The following PRKG2 variants were observed in gnomAD, a reference collection of about 807,000 sequenced individuals.
The protein encoded by PRKG2 is cGMP-dependent protein kinase 2.
Under a neutral mutation model 97.2 loss-of-function variants are expected in PRKG2, and 33 were observed. The ratio of observed to expected loss-of-function variants is 0.34; its 90% CI spans 0.26 to 0.45. PRKG2 has a LOEUF of 0.45. PRKG2 is among the 20% of genes least tolerant of loss of function. PRKG2 has a pLI of 1.00. For missense variants in PRKG2, 638 were observed against 900.0 expected, an observed-to-expected ratio of 0.71 and a Z score of 3.73; for synonymous variants, 330 against 321.8, an observed-to-expected ratio of 1.03 and a Z score of -0.27.
chr4:81,122,338 C>T (rs767975341), intron 14 of PRKG2, among the ~76,000 whole-genome samples: 11 of 152,088 alleles, frequency 7.2e-5, no homozygotes, highest in Non-Finnish European at 1.5e-4. Context: ...CTGGGATGGG[C>T]AGGAAAGATA....
chr4:81,206,649 C>CA (rs1753684930), intron 1 of PRKG2, among the ~76,000 whole-genome samples: 1 of 152,204 alleles, frequency 6.6e-6, no homozygotes, highest in African/African-American at 2.4e-5. Context: ...CTGATTATCT[C>CA]AAATCAGAAG....
intron 16 of PRKG2, 135 bp downstream of exon 16, chr4:81,105,678 T>C (rs1743253274): frequency 1.6e-6 from 2 of 1,270,778 alleles, no homozygotes; most frequent in Non-Finnish European, 2.2e-6. Flanking sequence ...AGAAAATGAC[T>C]TCCTTCAAAT....
intron 2 of PRKG2, among the ~76,000 whole-genome samples, chr4:81,182,103 C>T (rs531697600): frequency 7.1e-4 from 108 of 151,334 alleles, no homozygotes; most frequent in Admixed American, 1.4e-3. Flanking sequence ...CGAATTTTTC[C>T]CGATTCATTT....
chr4:81,113,370 CT>C (rs5859760), intron 14 of PRKG2, among the ~76,000 whole-genome samples: 1 of 151,094 alleles, frequency 6.6e-6, no homozygotes, highest in African/African-American at 2.4e-5. Flanking sequence ...AGCACCCCCC[CT>C]TTTTTTTCAA....
At chr4:81,111,962 C>T (rs1744035745) in intron 14 of PRKG2, among the ~76,000 whole-genome samples, 1 of 152,132 alleles carries the variant, frequency 6.6e-6, no homozygotes, top group Non-Finnish European at 1.5e-5. Context: ...CAGCAACAAT[C>T]TTGGCTAAAA....
At chr4:81,177,134 T>C (rs1015811360) in intron 2 of PRKG2, among the ~76,000 whole-genome samples, 5 of 152,188 alleles carry the variant, frequency 3.3e-5, no homozygotes. Context: ...GATTTTAAAT[T>C]GGATGATTTT....
At chr4:81,100,119 G>A (rs528846830) in intron 17 of PRKG2, among the ~76,000 whole-genome samples, 21 of 151,574 alleles carry the variant, frequency 1.4e-4, no homozygotes, top group Non-Finnish European at 5.9e-5. Flanking sequence ...AATCAATATC[G>A]TGAAAATGGC....
chr4:81,110,777 G>GACA (rs1450401980), intron 14 of PRKG2, among the ~76,000 whole-genome samples, 166 bp from the exon 15 acceptor site: 135 of 85,602 alleles, frequency 1.6e-3, no homozygotes, highest in African/African-American at 2.1e-3. Flanking sequence ...ACAGACAGAC[G>GACA]GACAGACAGA....
intron 14 of PRKG2, among the ~76,000 whole-genome samples, chr4:81,122,554 C>T (rs1012783991): frequency 5.9e-5 from 9 of 152,152 alleles, no homozygotes; most frequent in Non-Finnish European, 1.2e-4. Flanking sequence ...AAGGACACAC[C>T]ATTACAGACT....
chr4:81,171,844 C>A (rs143888367), intron 3 of PRKG2, 40 bp from the exon 4 acceptor site: 2 of 1,389,672 alleles, frequency 1.4e-6, no homozygotes, highest in Middle Eastern at 1.8e-4. Flanking sequence ...CACAAATAAT[C>A]GAAATCCGTG....
Position 81,144,339 on chromosome 4 carries a change from A to ATTC in PRKG2, c.1155-10_1155-9insGAA. 6.3e-7 allele frequency: 1 copy of ATTC among 1,592,090 alleles called. No homozygotes were observed. The highest frequency in any genetic ancestry group is 8.6e-7 in the Non-Finnish European group (1 of 1,160,892). On this transcript the variant is annotated splice_polypyrimidine_tract_variant and intron_variant, in intron 9 of 18. Coordinates refer to ENST00000264399, the MANE Select transcript of PRKG2 (RefSeq NM_006259.3). ...CAGTTTGGTTGAATGTTCTAAATAG[A>ATTC]TAGAATAAAGTAAAATGCTCCGTGC...
intron 2 of PRKG2, 107 bp from the exon 3 acceptor site, chr4:81,175,066 C>A: frequency 8.9e-7 from 1 of 1,117,704 alleles, no homozygotes. Context: ...AAACTTATAA[C>A]TTTCTAGCAA....
rs541365629 is a variant in PRKG2 at position 81,133,909 on chromosome 4, C to T, written c.1776+1246G>A. Among the ~76,000 whole-genome samples the T allele has an allele frequency of 7.2e-5, 11 of 151,860 alleles. No individual in the cohort carries two copies. In the South Asian group the frequency reaches 2.3e-3, roughly 32 times the overall value. ...TTATGAGAAAAAAGAGATGGAGCTA[C>T]TGAATTGTCTGCATCCCTCATGTTG... On this transcript the variant is annotated intron_variant, in intron 14 of 18. Transcript: ENST00000264399.
At chr4:81,150,550 A>G (rs1748290412) in intron 8 of PRKG2, among the ~76,000 whole-genome samples, 1 of 152,214 alleles carries the variant, frequency 6.6e-6, no homozygotes, top group Admixed American at 6.5e-5. Flanking sequence ...AAACACCTTT[A>G]GGAGTTGAGT....
chr4:81,139,497 G>C (rs1369145631), intron 12 of PRKG2, among the ~76,000 whole-genome samples: 2 of 152,102 alleles, frequency 1.3e-5, no homozygotes, highest in Admixed American at 6.6e-5. Context: ...GCTGGGCGCA[G>C]TGGCTCACGC....
chr4:81,208,318 T>C (rs1349301688), intron 1 of PRKG2, among the ~76,000 whole-genome samples: 1 of 152,166 alleles, frequency 6.6e-6, no homozygotes, highest in Admixed American at 6.5e-5. Context: ...AGTATGTAAC[T>C]AGAAACAGGC....
chr4:81,199,000 C>G (rs1753132147), intron 2 of PRKG2, among the ~76,000 whole-genome samples: 1 of 152,142 alleles, frequency 6.6e-6, no homozygotes, highest in Non-Finnish European at 1.5e-5. Flanking sequence ...TCTTCCATGC[C>G]TTATCCTATA....
At chr4:81,141,235 T>C (rs1169777604) in intron 11 of PRKG2, among the ~76,000 whole-genome samples, 1 of 152,058 alleles carries the variant, frequency 6.6e-6, no homozygotes, top group Non-Finnish European at 1.5e-5. Flanking sequence ...AATTTCAAAC[T>C]CCTGAGCCCA....
rs947139314 is a variant in PRKG2 at position 81,087,815 on chromosome 4, T to C, written c.*1893A>G. The C allele has an allele frequency of 1.3e-5, 2 of 152,156 alleles. No individual in the cohort carries two copies. The highest frequency in any genetic ancestry group is 2.9e-5 in the Non-Finnish European group (2 of 67,994). 9.4% of individuals were successfully genotyped at this position (152,156 alleles called of 1,614,324 possible). A position where few individuals can be genotyped will look rare whatever the true frequency, so the allele number is the denominator to read the frequency against. ...CACATGGGAGGATAACACATTGACA[T>C]GGTCAATCACAGGAAAAATAAACCT... On this transcript the variant is annotated 3_prime_UTR_variant, in exon 19 of 19. Transcript: ENST00000264399.
Sources: gnomAD v4.1 joint callset for allele counts (sites outside exome capture counted in the v4.1 genomes callset) on GRCh38, gnomAD v4.1.1 for gene constraint, MANE v1.5 for transcripts, NCBI Gene and HGNC (gene_info 2026-07-23, HGNC 2026-07-21) for gene names.